The following C8orf34 variants were observed in gnomAD, a reference collection of about 807,000 sequenced individuals.
C8orf34 encodes the protein uncharacterized protein C8orf34.
C8orf34 carries 65 observed loss-of-function variants against 68.3 expected under a neutral mutation model. That is an observed-to-expected ratio of 0.95 (90% CI 0.78 to 1.17). The LOEUF (loss-of-function observed/expected upper bound fraction) is 1.17, where lower values mean the gene tolerates loss of function less well. C8orf34 is among the 50% of genes most tolerant of loss of function. The pLI is 0.00. For synonymous variants in C8orf34, 244 were observed against 241.2 expected (o/e 1.01, Z -0.11); for missense variants, 664 against 655.4 (o/e 1.01, Z -0.14).
chr8:68,727,634 A>G (rs1438099596), intron 10 of C8orf34, among the ~76,000 whole-genome samples: 3 of 152,188 alleles, frequency 2.0e-5, no homozygotes, highest in East Asian at 3.9e-4. Flanking sequence ...GTTTCCATAT[A>G]TCTTCCGAAA....
chr8:68,743,186 G>C (rs1164091079), intron 10 of C8orf34, among the ~76,000 whole-genome samples: 1 of 152,182 alleles, frequency 6.6e-6, no homozygotes, highest in African/African-American at 2.4e-5. Flanking sequence ...AGATGACAAG[G>C]ACACCTGTTA....
intron 10 of C8orf34, among the ~76,000 whole-genome samples, chr8:68,734,647 C>G (rs1165540837): frequency 6.6e-6 from 1 of 152,210 alleles, no homozygotes; most frequent in African/African-American, 2.4e-5. Context: ...CAGGATATCA[C>G]CACTGTTTCT....
chr8:68,593,493 G>A (rs1041909009), intron 7 of C8orf34, among the ~76,000 whole-genome samples: 1 of 151,808 alleles, frequency 6.6e-6, no homozygotes, highest in African/African-American at 2.4e-5. Flanking sequence ...TTTGCATGGA[G>A]GACTTTTTTA....
At chr8:68,571,899 G>T (rs1489236262) in intron 7 of C8orf34, among the ~76,000 whole-genome samples, 1 of 152,020 alleles carries the variant, frequency 6.6e-6, no homozygotes, top group African/African-American at 2.4e-5. Context: ...TAACAATGGG[G>T]ATGCATTCTG....
At chr8:68,461,172 A>G (rs954339413) in intron 3 of C8orf34, among the ~76,000 whole-genome samples, 8 of 152,250 alleles carry the variant, frequency 5.3e-5, no homozygotes, top group African/African-American at 1.9e-4. Context: ...AATGCGATCA[A>G]CTGGAAGAAA....
intron 7 of C8orf34, among the ~76,000 whole-genome samples, chr8:68,603,238 A>G (rs939345662): frequency 1.3e-5 from 2 of 152,106 alleles, no homozygotes; most frequent in South Asian, 2.1e-4. Flanking sequence ...GAAAGTGTAC[A>G]AGGGTGCAAC....
chr8:68,773,005 G>T (rs1314459689), intron 10 of C8orf34, among the ~76,000 whole-genome samples: 1 of 151,520 alleles, frequency 6.6e-6, no homozygotes, highest in African/African-American at 2.4e-5. Context: ...AAGGGAAATT[G>T]CATTATGGCA....
intron 7 of C8orf34, among the ~76,000 whole-genome samples, chr8:68,583,351 C>A (rs553603536): frequency 2.0e-5 from 3 of 152,214 alleles, no homozygotes; most frequent in Admixed American, 6.5e-5. Context: ...ATGTTTCTAA[C>A]AACTAATTAA....
chr8:68,646,960 T>G (rs1304356536), intron 8 of C8orf34, among the ~76,000 whole-genome samples: 1 of 152,142 alleles, frequency 6.6e-6, no homozygotes, highest in East Asian at 1.9e-4. Context: ...ATGCTGTTTT[T>G]AATTCTAAAG....
At chr8:68,404,749 C>G (rs1278985295) in intron 1 of C8orf34, among the ~76,000 whole-genome samples, 1 of 152,134 alleles carries the variant, frequency 6.6e-6, no homozygotes, top group South Asian at 2.1e-4. Context: ...TGTTTTGGTA[C>G]CAGGATCTGC....
intron 1 of C8orf34, among the ~76,000 whole-genome samples, chr8:68,424,474 C>A (rs779052526): frequency 1.3e-5 from 2 of 152,074 alleles, no homozygotes; most frequent in African/African-American, 2.4e-5. Flanking sequence ...GAGAAAAGGA[C>A]AATCAACAAA....
chr8:68,569,745 G>A (rs1425934345), intron 7 of C8orf34, among the ~76,000 whole-genome samples: 1 of 152,198 alleles, frequency 6.6e-6, no homozygotes, highest in Non-Finnish European at 1.5e-5. Flanking sequence ...ATCTGTCAAG[G>A]AATTCACAGG....
chr8:68,659,196 G>T (rs1819598033), intron 8 of C8orf34, among the ~76,000 whole-genome samples: 1 of 152,070 alleles, frequency 6.6e-6, no homozygotes, highest in Non-Finnish European at 1.5e-5. Flanking sequence ...TTGGGTTTCT[G>T]GTTGATGATT....
intron 11 of C8orf34, 82 bp downstream of exon 11, chr8:68,776,531 C>A: frequency 2.7e-6 from 3 of 1,120,438 alleles, no homozygotes; most frequent in South Asian, 2.6e-5. Flanking sequence ...CTTTCTCCAT[C>A]TACTTGTAGG....
chr8:68,446,396 T>TA lies in C8orf34; in HGVS notation c.549dup (p.Ser184IlefsTer4). The TA allele has an allele frequency of 1.2e-6, 2 of 1,612,698 alleles. No homozygotes were observed. The highest frequency in any genetic ancestry group is 1.7e-6 in the Non-Finnish European group (2 of 1,179,416). On this transcript the variant is annotated frameshift_variant, in exon 3 of 14. Transcript: ENST00000518698. LOFTEE classifies it high-confidence loss of function. ...CTTGGCAATTAAATGCAAAGAAGCC[T>TA]AAAAAATCAAAAAGTGACCTTGCTG...
chr8:68,553,948 G>A (rs1816168884), intron 7 of C8orf34, among the ~76,000 whole-genome samples: 1 of 151,896 alleles, frequency 6.6e-6, no homozygotes, highest in South Asian at 2.1e-4. Flanking sequence ...GAAATAATGA[G>A]GGGAATTCAA....
chr8:68,714,061 G>A (rs1585769872), intron 9 of C8orf34, among the ~76,000 whole-genome samples: 1 of 152,086 alleles, frequency 6.6e-6, no homozygotes, highest in East Asian at 1.9e-4. Context: ...CTCAGTAAAG[G>A]CAGAAAAAGC....
intron 10 of C8orf34, among the ~76,000 whole-genome samples, chr8:68,745,703 C>T (rs1052209797): frequency 3.9e-5 from 6 of 152,006 alleles, no homozygotes; most frequent in Non-Finnish European, 5.9e-5. Flanking sequence ...AATATATATG[C>T]ACCCAATACA....
chr8:68,562,615 G>T (rs969818850), intron 7 of C8orf34, among the ~76,000 whole-genome samples: 2 of 152,170 alleles, frequency 1.3e-5, no homozygotes, highest in Admixed American at 6.5e-5. Context: ...TTATCATAGA[G>T]ATACATTGTA....
Sources: allele counts gnomAD v4.1 joint callset (sites outside exome capture counted in the v4.1 genomes callset), GRCh38; gene constraint gnomAD v4.1.1; transcripts MANE v1.5; gene names NCBI Gene and HGNC (gene_info 2026-07-23, HGNC 2026-07-21).